The following CSMD1 variants were observed in gnomAD, a reference collection of about 807,000 sequenced individuals.
CSMD1 encodes the protein CUB and sushi domain-containing protein 1.
Under a neutral mutation model 417.5 loss-of-function variants are expected in CSMD1, and 213 were observed. The observed-to-expected ratio is 0.51, with a 90% CI of 0.46 to 0.57. The LOEUF is 0.57. CSMD1 is among the 20% of genes least tolerant of loss of function. The pLI is 0.00. For synonymous variants in CSMD1, 2,862 were observed against 1,736.8 expected, an observed-to-expected ratio of 1.65 and a Z score of -16.11; for missense variants, 6,923 against 4,529.7, an observed-to-expected ratio of 1.53 and a Z score of -15.17.
chr8:3,478,048 C>G (rs1817528797), intron 11 of CSMD1, among the ~76,000 whole-genome samples: 1 of 152,108 alleles, frequency 6.6e-6, no homozygotes. Context: ...TATCATTTCC[C>G]CACTGGCATC....
intron 11 of CSMD1, among the ~76,000 whole-genome samples, chr8:3,476,628 A>G (rs939113285): frequency 1.3e-5 from 2 of 152,130 alleles, no homozygotes; most frequent in Non-Finnish European, 2.9e-5. Flanking sequence ...AGGATAAATA[A>G]TGAATCAGCC....
chr8:3,460,667 C>T (rs528099363), intron 12 of CSMD1, among the ~76,000 whole-genome samples: 58 of 152,114 alleles, frequency 3.8e-4, no homozygotes, highest in Middle Eastern at 3.4e-3. Flanking sequence ...GACCGAAATT[C>T]GTGGAGAAAA....
intron 3 of CSMD1, among the ~76,000 whole-genome samples, chr8:4,184,745 T>C (rs1339431703): frequency 6.8e-6 from 1 of 147,816 alleles, no homozygotes. Context: ...TAATGGGTAC[T>C]GGGCTTAATA....
intron 2 of CSMD1, among the ~76,000 whole-genome samples, chr8:4,564,694 C>G (rs1361873923): frequency 6.6e-6 from 1 of 152,128 alleles, no homozygotes; most frequent in African/African-American, 2.4e-5. Flanking sequence ...AGTAAGCTAA[C>G]AATGAATGCA....
At chr8:3,632,361 C>G in intron 7 of CSMD1, among the ~76,000 whole-genome samples, 1 of 152,192 alleles carries the variant, frequency 6.6e-6, no homozygotes, top group East Asian at 1.9e-4. Flanking sequence ...CCCATCCCCA[C>G]TTAATCCTCA....
intron 1 of CSMD1, among the ~76,000 whole-genome samples, chr8:4,990,951 G>C (rs1811432632): frequency 6.6e-6 from 1 of 152,172 alleles, no homozygotes; most frequent in Non-Finnish European, 1.5e-5. Context: ...GTCAGGAAAT[G>C]TTTGAATTAC....
chr8:4,460,018 G>T (rs968384462), intron 2 of CSMD1, among the ~76,000 whole-genome samples: 1 of 152,084 alleles, frequency 6.6e-6, no homozygotes. Context: ...AAACCAACTG[G>T]AATGAACAGA....
intron 3 of CSMD1, among the ~76,000 whole-genome samples, chr8:4,362,660 A>C (rs1309375838): frequency 6.6e-6 from 1 of 152,222 alleles, no homozygotes. Context: ...CAAGAAGGAA[A>C]GGACAGTGAA....
At chr8:3,946,978 A>T (rs1811270454) in intron 5 of CSMD1, among the ~76,000 whole-genome samples, 1 of 152,194 alleles carries the variant, frequency 6.6e-6, no homozygotes, top group Admixed American at 6.5e-5. Flanking sequence ...CAATCACATC[A>T]TATAAATAAA....
intron 42 of CSMD1, among the ~76,000 whole-genome samples, chr8:3,111,464 T>A (rs952340143): frequency 6.6e-6 from 1 of 152,158 alleles, no homozygotes; most frequent in East Asian, 1.9e-4. Context: ...AAGCAAATTA[T>A]CCCTGGGAGC....
chr8:3,255,304 T>C (rs774782395), intron 26 of CSMD1, among the ~76,000 whole-genome samples: 5 of 152,104 alleles, frequency 3.3e-5, no homozygotes, highest in African/African-American at 7.2e-5. Flanking sequence ...CCAGTTAGGC[T>C]TCTCGGGGGA....
intron 1 of CSMD1, among the ~76,000 whole-genome samples, chr8:4,909,114 A>G (rs1805494473): frequency 6.6e-6 from 1 of 152,166 alleles, no homozygotes; most frequent in Non-Finnish European, 1.5e-5. Flanking sequence ...CTGTAGGTGT[A>G]GGTGTCAGAG....
chr8:4,841,574 A>G (rs1800835567), intron 1 of CSMD1, among the ~76,000 whole-genome samples: 1 of 152,196 alleles, frequency 6.6e-6, no homozygotes, highest in African/African-American at 2.4e-5. Context: ...TGAAACCATT[A>G]CGCTGAAATA....
At chr8:4,751,065 G>A (rs565475794) in intron 1 of CSMD1, among the ~76,000 whole-genome samples, 1 of 152,180 alleles carries the variant, frequency 6.6e-6, no homozygotes, top group Non-Finnish European at 1.5e-5. Flanking sequence ...ACCAGGTAAA[G>A]TTTGATATAC....
In CSMD1 at chr8:2,938,465, A is replaced by T; in HGVS notation, c.*120T>A. ...CCCGCTGCACTTATGCCAGTAGACA[A>T]GGTTGAAGATCGCTGCAGTAAAGCC... On this transcript the variant is annotated 3_prime_UTR_variant, in exon 70 of 70. Transcript: ENST00000635120. 1 of 924,150 alleles carries T rather than the reference A, an allele frequency of 1.1e-6. No homozygotes were observed. The highest frequency in any genetic ancestry group is 1.6e-6 in the Non-Finnish European group (1 of 619,926). 57.2% of individuals were successfully genotyped at this position (924,150 alleles called of 1,614,324 possible).
chr8:3,573,797 T>G (rs1045372466), intron 10 of CSMD1, among the ~76,000 whole-genome samples: 1 of 151,586 alleles, frequency 6.6e-6, no homozygotes, highest in Non-Finnish European at 1.5e-5. Context: ...AATAGTGGGG[T>G]TCAGTAAATT....
chr8:3,882,689 A>C (rs1014022321), intron 5 of CSMD1, among the ~76,000 whole-genome samples: 3 of 152,238 alleles, frequency 2.0e-5, no homozygotes, highest in Non-Finnish European at 2.9e-5. Flanking sequence ...AATACTACAC[A>C]GCAATGAAAA....
chr8:3,634,773 A>G (rs997265872), intron 7 of CSMD1, among the ~76,000 whole-genome samples: 1 of 152,124 alleles, frequency 6.6e-6, no homozygotes, highest in Non-Finnish European at 1.5e-5. Context: ...CTTACCCATT[A>G]GTGAATACAG....
intron 3 of CSMD1, among the ~76,000 whole-genome samples, chr8:4,036,142 G>T (rs1258174100): frequency 6.6e-6 from 1 of 152,192 alleles, no homozygotes; most frequent in African/African-American, 2.4e-5. Context: ...TAGGTGCGTA[G>T]TAGGCCGCAA....
Sources: allele counts gnomAD v4.1 joint callset (sites outside exome capture counted in the v4.1 genomes callset), GRCh38; gene constraint gnomAD v4.1.1; transcripts MANE v1.5; gene names NCBI Gene and HGNC (gene_info 2026-07-23, HGNC 2026-07-21).